DOCK4: variants seen among roughly 807,000 people sequenced by gnomAD.
The protein encoded by DOCK4 is dedicator of cytokinesis 4.
DOCK4 carries 97 observed loss-of-function variants against 268.1 expected under a neutral mutation model. The ratio of observed to expected loss-of-function variants is 0.36; its 90% CI spans 0.31 to 0.43. The LOEUF (loss-of-function observed/expected upper bound fraction) is 0.43, where lower values mean the gene tolerates loss of function less well. DOCK4 is among the 20% of genes least tolerant of loss of function. The pLI is 1.00. For synonymous variants in DOCK4, 954 were observed against 887.2 expected, an observed-to-expected ratio of 1.08 and a Z score of -1.34; for missense variants, 2,145 against 2,455.7, an observed-to-expected ratio of 0.87 and a Z score of 2.67.
chr7:111,788,769 TTC>T (rs748901046), intron 31 of DOCK4, 22 bp from the exon 32 acceptor site: 87 of 1,550,492 alleles, frequency 5.6e-5, no homozygotes, highest in Non-Finnish European at 7.5e-5. Context: ...CCAACTATTA[TTC>T]TCTTTCCTCC....
intron 1 of DOCK4, among the ~76,000 whole-genome samples, chr7:112,137,719 T>C (rs1003265866): frequency 1.3e-5 from 2 of 152,180 alleles, no homozygotes; most frequent in Non-Finnish European, 2.9e-5. Context: ...ATTTGAGAAA[T>C]GTCCTCAAAA....
chr7:111,728,494 C>A lies in DOCK4; in HGVS notation c.5708G>T (p.Arg1903Leu), dbSNP rs761041628. ...VPSYGGEEPV[R>L]KESKTPPPYS... ...CGGGGGCGGAGTCTTGCTCTCCTTG[C>A]GCACTGGCTCCTCCCCGCCGTAGCT... The change falls in exon 53 of 53, where the codon CGC becomes CTC. Residue 1903 changes from arginine to leucine, a missense_variant. Coordinates refer to ENST00000428084, the MANE Select transcript of DOCK4 (RefSeq NM_001363540.2). 2 of 1,612,938 alleles carry A rather than the reference C, an allele frequency of 1.2e-6. No individual in the cohort carries two copies. Among genetic ancestry groups the A allele is most frequent in the African/African-American group, 2.7e-5 (2 of 74,934 alleles).
chr7:111,752,586 T>TC (rs1796738151), intron 42 of DOCK4, among the ~76,000 whole-genome samples: 1 of 141,074 alleles, frequency 7.1e-6, no homozygotes, highest in Non-Finnish European at 1.6e-5. Flanking sequence ...AGGTTTTTTT[T>TC]TTTTTTTTTT....
At chr7:111,881,490 A>G (rs1219286338) in intron 16 of DOCK4, among the ~76,000 whole-genome samples, 1 of 152,208 alleles carries the variant, frequency 6.6e-6, no homozygotes. Flanking sequence ...GTCAATTAGT[A>G]TAACCACTAT....
At chr7:111,823,752 C>T (rs577729718) in intron 26 of DOCK4, among the ~76,000 whole-genome samples, 53 of 152,206 alleles carry the variant, frequency 3.5e-4, no homozygotes, top group African/African-American at 1.1e-3. Flanking sequence ...TTGAAGATAA[C>T]GATATGGTGT....
At chr7:112,053,530 C>T (rs899082098) in intron 1 of DOCK4, among the ~76,000 whole-genome samples, 1 of 152,118 alleles carries the variant, frequency 6.6e-6, no homozygotes, top group Non-Finnish European at 1.5e-5. Flanking sequence ...CTTGTAAAAC[C>T]CCAACAAGGC....
Position 112,088,820 on chromosome 7 carries a change from TCA to T in DOCK4, c.38-84691_38-84690del, listed in dbSNP as rs1358153961. Among the ~76,000 whole-genome samples the T allele has an allele frequency of 4.6e-5, 7 of 152,236 alleles. No individual in the cohort carries two copies. In the East Asian group the frequency reaches 1.4e-3, roughly 29 times the overall value. On this transcript the variant is annotated intron_variant, in intron 1 of 52. Coordinates refer to ENST00000428084, the MANE Select transcript of DOCK4 (RefSeq NM_001363540.2). ...GAAGGTTCCTTAACCCCTTTGTCCCTCAGTTTCCTCATCTATAAAATGGGGAT... is the reference window on the plus strand; with the variant it reads ...GAAGGTTCCTTAACCCCTTTGTCCCTGTTTCCTCATCTATAAAATGGGGAT...
intron 35 of DOCK4, among the ~76,000 whole-genome samples, chr7:111,780,647 T>C (rs375109596): frequency 4.5e-4 from 68 of 152,394 alleles, no homozygotes; most frequent in Non-Finnish European, 7.3e-4. Flanking sequence ...TGTCAAATAT[T>C]ACTTTTTTAA....
chr7:111,920,302 C>T (rs1792997193), intron 12 of DOCK4, among the ~76,000 whole-genome samples: 1 of 152,156 alleles, frequency 6.6e-6, no homozygotes, highest in African/African-American at 2.4e-5. Context: ...AATGTTCTCA[C>T]TGCTATAAAA....
chr7:112,199,058 C>T (rs913961126), intron 1 of DOCK4, among the ~76,000 whole-genome samples: 1 of 152,208 alleles, frequency 6.6e-6, no homozygotes, highest in African/African-American at 2.4e-5. Flanking sequence ...ATTCAAACTT[C>T]TGCTAACCAC....
chr7:112,187,044 C>CT (rs1254487443), intron 1 of DOCK4, among the ~76,000 whole-genome samples: 2 of 152,010 alleles, frequency 1.3e-5, no homozygotes, highest in African/African-American at 4.8e-5. Context: ...ACCAGAAATA[C>CT]TTTCAAAAGC....
chr7:112,179,256 T>C lies in DOCK4; in HGVS notation c.37+26846A>G, dbSNP rs116859535. ...TAAAAATTTTCCCGGTGTGGTGGCATATGCCTGTAATCCCAGCTACTCTGG... is the reference window on the plus strand; with the variant it reads ...TAAAAATTTTCCCGGTGTGGTGGCACATGCCTGTAATCCCAGCTACTCTGG... On this transcript the variant is annotated intron_variant, in intron 1 of 52. Coordinates refer to ENST00000428084, the MANE Select transcript of DOCK4 (RefSeq NM_001363540.2). Among the ~76,000 whole-genome samples, 100 of 152,066 alleles carry C rather than the reference T, an allele frequency of 6.6e-4. No homozygotes were observed. The East Asian group carries it at 0.018, about 28-fold the overall frequency.
chr7:111,885,412 G>T (rs1807756971), intron 16 of DOCK4, among the ~76,000 whole-genome samples: 1 of 152,182 alleles, frequency 6.6e-6, no homozygotes, highest in Admixed American at 6.5e-5. Flanking sequence ...GTGAAGGCAT[G>T]GAGCATGGCA....
At chr7:111,866,264 A>G (rs1481445542) in intron 22 of DOCK4, among the ~76,000 whole-genome samples, 1 of 152,254 alleles carries the variant, frequency 6.6e-6, no homozygotes, top group African/African-American at 2.4e-5. Context: ...CCAAATACAC[A>G]GAGGCAAAGT....
chr7:111,839,230 A>T (rs1196259500), intron 25 of DOCK4, among the ~76,000 whole-genome samples: 1 of 152,230 alleles, frequency 6.6e-6, no homozygotes, highest in African/African-American at 2.4e-5. Context: ...ACTTGAATTC[A>T]TCAGTTGATA....
intron 12 of DOCK4, among the ~76,000 whole-genome samples, chr7:111,926,978 A>G (rs1793766825): frequency 6.6e-6 from 1 of 152,206 alleles, no homozygotes; most frequent in African/African-American, 2.4e-5. Flanking sequence ...TAATAGTCAT[A>G]CCTTGGTTTC....
chr7:111,976,157 A>ATATATATATATATAT (rs59353212), intron 8 of DOCK4, among the ~76,000 whole-genome samples: 3 of 78,852 alleles, frequency 3.8e-5, no homozygotes, highest in East Asian at 4.7e-4. Context: ...AAAAAAAAAA[A>ATATATATATATATAT]AAAAATATAT....
chr7:111,759,807 A>G (rs1797262757), intron 40 of DOCK4, among the ~76,000 whole-genome samples: 2 of 150,790 alleles, frequency 1.3e-5, no homozygotes, highest in Non-Finnish European at 3.0e-5. Flanking sequence ...AGGGGTGAAT[A>G]ATATGTGCCA....
intron 39 of DOCK4, among the ~76,000 whole-genome samples, chr7:111,762,766 T>TTTTTC (rs1797522860): frequency 8.8e-6 from 1 of 113,254 alleles, no homozygotes; most frequent in African/African-American, 3.3e-5. Flanking sequence ...TGTTTTCTTT[T>TTTTTC]TTTTTTTTTT....
Sources: gnomAD v4.1 joint callset for allele counts (sites outside exome capture counted in the v4.1 genomes callset) on GRCh38, gnomAD v4.1.1 for gene constraint, MANE v1.5 for transcripts, NCBI Gene and HGNC (gene_info 2026-07-23, HGNC 2026-07-21) for gene names.